Variants in CNTRL observed in about 807,000 individuals in gnomAD.
CNTRL encodes centriolin.
In CNTRL, 233 loss-of-function variants were observed where a neutral mutation model predicts 303.7. That is an observed-to-expected ratio of 0.77 (90% confidence interval 0.69 to 0.86). CNTRL has a LOEUF of 0.86. Ranked by LOEUF, CNTRL falls within the 40% of genes least tolerant of loss-of-function variation. The pLI, the probability that CNTRL is intolerant of heterozygous loss-of-function variation, is 0.00. For synonymous variants in CNTRL, 900 were observed against 922.2 expected (o/e 0.98, Z 0.44); for missense variants, 2,524 against 2,650.6 (o/e 0.95, Z 1.05).
intron 36 of CNTRL, 141 bp downstream of exon 36, chr9:121,166,321 A>G (rs1244207932): frequency 3.4e-6 from 2 of 583,528 alleles, no homozygotes; most frequent in African/African-American, 2.0e-5. Flanking sequence ...TAACCATCAC[A>G]TAAATAAAAG....
At chr9:121,144,806 T>G (rs781383368) in intron 20 of CNTRL, 37 bp from the exon 21 acceptor site, 17 of 1,440,306 alleles carry the variant, frequency 1.2e-5, no homozygotes, top group Non-Finnish European at 7.8e-6. Flanking sequence ...CAACCTGTGA[T>G]AGCAGTGGTG....
chr9:121,131,302 A>T (rs533574568), intron 14 of CNTRL, among the ~76,000 whole-genome samples: 1 of 152,284 alleles, frequency 6.6e-6, no homozygotes, highest in African/African-American at 2.4e-5. Context: ...TTGCTTTATG[A>T]ATCTGGGTTC....
At chr9:121,147,976 T>C (rs1785110523) in intron 23 of CNTRL, among the ~76,000 whole-genome samples, 1 of 152,124 alleles carries the variant, frequency 6.6e-6, no homozygotes, top group Admixed American at 6.5e-5. Flanking sequence ...CATGCCAAGC[T>C]CCCAGGACCA....
At position 121,165,020 on chromosome 9, in the gene CNTRL, T is replaced by G. The variant is rs1218103530; in HGVS notation, c.5501T>G (p.Leu1834Arg). 3 of 1,611,312 alleles carry G rather than the reference T, an allele frequency of 1.9e-6. No homozygotes were observed. The Admixed American group carries it at 5.1e-5, about 27-fold the overall frequency. The change falls in exon 35 of 44, where the codon CTG (leucine) becomes CGG (arginine). Residue 1834 changes from leucine to arginine, a missense_variant. Physicochemically the swap from Leu to Arg is moderately radical, Grantham distance 102. Transcript: ENST00000373855. ...AAGTTGGAATTGAATGTCAGAAAAC[T>G]GCAGCAGGAACTAGACCAACTAAAC... The part of the protein sequence containing the change: ...LEKLELNVRK[L>R]QQELDQLNRD...
intron 8 of CNTRL, chr9:121,111,411 C>T (rs1319008755): frequency 1.3e-5 from 2 of 152,140 alleles, no homozygotes; most frequent in African/African-American, 2.4e-5. Context: ...TACCCATTAT[C>T]TAGGCTATTA....
intron 4 of CNTRL, among the ~76,000 whole-genome samples, chr9:121,092,808 T>TAG (rs2048716745): frequency 2.4e-5 from 1 of 42,072 alleles, no homozygotes; most frequent in Non-Finnish European, 4.0e-5. Flanking sequence ...TATATCTATA[T>TAG]ATATATATAT....
intron 36 of CNTRL, 46 bp from the exon 37 acceptor site, chr9:121,167,443 T>TAA: frequency 6.5e-7 from 1 of 1,549,712 alleles, no homozygotes; most frequent in Non-Finnish European, 8.8e-7. Context: ...CCACCTCTAG[T>TAA]AAAGATGGCT....
chr9:121,146,064 T>A, intron 22 of CNTRL, 44 bp from the exon 23 acceptor site: 1 of 1,503,470 alleles, frequency 6.7e-7, no homozygotes, highest in Non-Finnish European at 9.0e-7. Flanking sequence ...AGAAAGGAAG[T>A]AAGTGATTTC....
At chr9:121,168,397 A>T in intron 38 of CNTRL, 76 bp downstream of exon 38, 1 of 1,328,560 alleles carries the variant, frequency 7.5e-7, no homozygotes, top group Non-Finnish European at 1.1e-6. Flanking sequence ...AAGTATTTAA[A>T]GAGATCCGGA....
At chr9:121,165,171 G>T in intron 35 of CNTRL, 71 bp downstream of exon 35, 18 of 1,397,508 alleles carry the variant, frequency 1.3e-5, no homozygotes, top group Non-Finnish European at 1.6e-5. Context: ...TTTTTCTTAC[G>T]ACAAGTAATT....
chr9:121,099,543 G>A (rs1465115945), intron 7 of CNTRL, among the ~76,000 whole-genome samples: 1 of 152,208 alleles, frequency 6.6e-6, no homozygotes, highest in African/African-American at 2.4e-5. Flanking sequence ...GAACAAAGAT[G>A]GATGGAGAAT....
At chr9:121,157,919 T>G (rs1203961426) in intron 29 of CNTRL, 39 bp downstream of exon 29, 2 of 1,613,636 alleles carry the variant, frequency 1.2e-6, no homozygotes, top group Non-Finnish European at 1.7e-6. Context: ...GGGTTTGTGC[T>G]GGAAGACAGC....
At chr9:121,123,619 TAAAA>T (rs1372501802) in intron 12 of CNTRL, among the ~76,000 whole-genome samples, 2 of 151,290 alleles carry the variant, frequency 1.3e-5, no homozygotes, top group African/African-American at 2.4e-5. Flanking sequence ...AATAAATAAA[TAAAA>T]AAGAGAGAGA....
intron 2 of CNTRL, among the ~76,000 whole-genome samples, chr9:121,085,083 A>G (rs1173315445): frequency 6.6e-6 from 1 of 152,254 alleles, no homozygotes; most frequent in African/African-American, 2.4e-5. Context: ...TGAAGTGATC[A>G]GATGTTTTTC....
chr9:121,168,006 C>A (rs1249188685), intron 37 of CNTRL, 90 bp from the exon 38 acceptor site: 1 of 1,130,806 alleles, frequency 8.8e-7, no homozygotes, highest in East Asian at 2.5e-5. Context: ...CTTCTACTTT[C>A]TTTTGACCTG....
At position 121,115,894 on chromosome 9, in the gene CNTRL, T is replaced by G. The variant is rs555997859; in HGVS notation, c.1455+694T>G. On this transcript the variant is annotated intron_variant, in intron 11 of 43. Transcript: ENST00000373855. ...TTAAAAGATACACTGTATTGTTACT[T>G]TCAGATTTTATACTAACTAGAAATT... Among the ~76,000 whole-genome samples, 207 of 152,314 alleles carry G rather than the reference T, an allele frequency of 1.4e-3. 2 individuals carry two copies. Among genetic ancestry groups the G allele is most frequent in the South Asian group, 6.4e-3 (31 of 4,832 alleles).
At chr9:121,144,592 A>G (rs2051722669) in intron 20 of CNTRL, among the ~76,000 whole-genome samples, 2 of 152,226 alleles carry the variant, frequency 1.3e-5, no homozygotes, top group Admixed American at 1.3e-4. Context: ...ATAATCATGG[A>G]AGACGGTAGT....
rs200947346 is a variant in CNTRL, at chr9:121,175,158, G to A, written c.6888G>A (p.Ala2296=). ...TCACCAGCACCTCTGCAGATTCAGC[G>A]TCATCACCCAGTCTGTCTCAGCTGG... The part of the protein sequence containing the change: ...ELVTSTSADS[A]SSPSLSQLES... The change falls in exon 43 of 44, where the codon GCG becomes GCA. Residue 2296 remains alanine, a synonymous_variant. Coordinates refer to ENST00000373855, the MANE Select transcript of CNTRL (RefSeq NM_007018.6). 3.2e-5 allele frequency: 52 copies of A among 1,614,140 alleles called. No individual in the cohort carries two copies. In the African/African-American group the frequency reaches 3.7e-4, roughly 12 times the overall value.
rs936097754 is a variant in CNTRL at position 121,107,881 on chromosome 9, C to T, written c.888C>T (p.Phe296=). 1.9e-6 allele frequency: 3 copies of T among 1,609,380 alleles called. No homozygotes were observed. The highest frequency in any genetic ancestry group is 2.2e-5 in the South Asian group (2 of 90,334). The change falls in exon 8 of 44, where the codon TTC becomes TTT. Residue 296 remains phenylalanine (F), a synonymous_variant. Transcript: ENST00000373855. Reference sequence around the variant, plus strand: ...AGCTTAAGAGCAAACAAACAAGGTTCCTTGAGGAAATTAAAAATCAAGATA... The same window carrying T: ...AGCTTAAGAGCAAACAAACAAGGTTTCTTGAGGAAATTAAAAATCAAGATA... The part of the protein sequence containing the change: ...TEELKSKQTR[F]LEEIKNQDKL...
Sources: gnomAD v4.1 joint callset for allele counts (sites outside exome capture counted in the v4.1 genomes callset) on GRCh38, gnomAD v4.1.1 for gene constraint, MANE v1.5 for transcripts, NCBI Gene and HGNC (gene_info 2026-07-23, HGNC 2026-07-21) for gene names.